Variants in RHOBTB3 observed in about 807,000 individuals in gnomAD.
The protein encoded by RHOBTB3 is Rho related BTB domain containing 3, also known as rho-related BTB domain-containing protein 3.
Under a neutral mutation model 67.2 loss-of-function variants are expected in RHOBTB3, and 47 were observed. The ratio of observed to expected loss-of-function variants is 0.70; its 90% CI spans 0.55 to 0.89. The LOEUF (loss-of-function observed/expected upper bound fraction) is 0.89, where lower values mean the gene tolerates loss of function less well. Among genes scored for constraint, RHOBTB3 ranks in the 40% least tolerant of loss-of-function variants. RHOBTB3 has a pLI of 0.00. For synonymous variants in RHOBTB3, 273 were observed against 274.2 expected (o/e 1.00, Z 0.04); for missense variants, 631 against 750.0 (o/e 0.84, Z 1.85).
intron 11 of RHOBTB3, chr5:95,789,093 C>T (rs1458257819): frequency 7.2e-5 from 28 of 388,734 alleles, no homozygotes; most frequent in Admixed American, 9.9e-5. Flanking sequence ...TAGCTCCATC[C>T]GTTTTTAAAT....
chr5:95,759,494 A>C (rs1210895274), intron 6 of RHOBTB3, among the ~76,000 whole-genome samples: 2 of 152,224 alleles, frequency 1.3e-5, no homozygotes, highest in East Asian at 1.9e-4. Context: ...TAAGAGAAAA[A>C]AATTTACCCA....
rs901187598 is a variant in RHOBTB3 at position 95,755,288 on chromosome 5, C to T, written c.683-108C>T. ...TATTGGCTGTTTCTTATGCTTTAAC[C>T]TAATAATATTTTAAAATATTATACA... On this transcript the variant is annotated intron_variant, in intron 5 of 11. Transcript: ENST00000379982. The T allele has an allele frequency of 4.8e-6, 4 of 827,598 alleles. No homozygotes were observed. The African/African-American group carries it at 7.1e-5, about 15-fold the overall frequency. The allele number at this position is 827,598 out of a possible 1,614,324, so 51.3% of individuals were successfully genotyped here. A position where few individuals can be genotyped will look rare whatever the true frequency, so the allele number is the denominator to read the frequency against.
upstream of RHOBTB3, chr5:95,731,263 G>A: frequency 9.9e-7 from 1 of 1,008,332 alleles, no homozygotes; most frequent in South Asian, 4.4e-5. Flanking sequence ...CGCCCGGTCC[G>A]CTGAGGGGGC....
chr5:95,776,530 C>T (rs971137330), intron 8 of RHOBTB3, among the ~76,000 whole-genome samples: 2 of 152,064 alleles, frequency 1.3e-5, no homozygotes, highest in Non-Finnish European at 2.9e-5. Context: ...AAGTCTTTGG[C>T]TTCTTTACTC....
At position 95,768,165 on chromosome 5, in the gene RHOBTB3, A is replaced by T; in HGVS notation, c.1281A>T (p.Gln427His). ...PMLADVVFEIQGTTVPAHRAI... is the reference protein window; with the variant it reads ...PMLADVVFEIHGTTVPAHRAI... The stretch of plus-strand genomic sequence containing the variant: ...TTGCCGATGTTGTCTTCGAAATTCA[A>T]GGTACGGATCAACTTTTACAAAGTT... The change falls in exon 8 of 12, where the codon CAA becomes CAT. Residue 427 changes from glutamine (Q) to histidine (H), a missense_variant and splice_region_variant. By Grantham distance (24) the Gln-to-His change is conservative. Coordinates refer to ENST00000379982, the MANE Select transcript of RHOBTB3 (RefSeq NM_014899.4). 2 of 1,608,974 alleles carry T rather than the reference A, an allele frequency of 1.2e-6. No homozygotes were observed. The highest frequency in any genetic ancestry group is 1.7e-6 in the Non-Finnish European group (2 of 1,178,362).
At position 95,786,704 on chromosome 5, in the gene RHOBTB3, G is replaced by A. The variant is rs116574508; in HGVS notation, c.1624-2058G>A. Among the ~76,000 whole-genome samples the A allele has an allele frequency of 3.5e-3, 534 of 152,274 alleles. 4 individuals are homozygous for A. Among genetic ancestry groups the A allele is most frequent in the African/African-American group, 0.011 (475 of 41,558 alleles). ...TCTGAGAGTTTCCAGGTACTTTCTT[G>A]TGAGTTTATGGGTATTTTCTCCACG... On this transcript the variant is annotated intron_variant, in intron 10 of 11. Transcript: ENST00000379982.
At position 95,794,463 on chromosome 5, in the gene RHOBTB3, T is replaced by G; in HGVS notation, c.*1289T>G. The G allele has an allele frequency of 6.2e-6, 1 of 160,534 alleles. No individual in the cohort carries two copies. Among genetic ancestry groups the G allele is most frequent in the Non-Finnish European group, 1.4e-5 (1 of 72,448 alleles). 9.9% of individuals were successfully genotyped at this position (160,534 alleles called of 1,614,324 possible). ...TAGCATGAATCTTGTGCTCTAATAT[T>G]ACACAGTAAGTTCAAAGAAAGGATG... On this transcript the variant is annotated 3_prime_UTR_variant, in exon 12 of 12. Coordinates refer to ENST00000379982, the MANE Select transcript of RHOBTB3 (RefSeq NM_014899.4).
intron 9 of RHOBTB3, 141 bp downstream of exon 9, chr5:95,780,566 G>C (rs887011359): frequency 2.7e-6 from 2 of 731,276 alleles, no homozygotes; most frequent in Non-Finnish European, 4.5e-6. Flanking sequence ...ATTAGAGGTG[G>C]TGCTGGAACA....
At chr5:95,731,168 C>G, upstream of RHOBTB3, 1 of 1,009,540 alleles carries the variant, frequency 9.9e-7, no homozygotes, top group Non-Finnish European at 1.2e-6. Context: ...TCCTTTGTGT[C>G]CAGCCGCCGC....
intron 2 of RHOBTB3, 100 bp downstream of exon 2, chr5:95,732,184 C>A: frequency 9.3e-7 from 1 of 1,071,640 alleles, no homozygotes; most frequent in Non-Finnish European, 1.4e-6. Flanking sequence ...GTGGAGTGTC[C>A]GCGTTACATG....
rs1746555664 is a variant in RHOBTB3, at chr5:95,796,228, C to T, written c.*3054C>T. On this transcript the variant is annotated 3_prime_UTR_variant, in exon 12 of 12. Transcript: ENST00000379982. Reference sequence around the variant, plus strand: ...AAAGAGTACTTTATTTTATTTAAAGCATCTGTTTAATTCAACCTTTAATAA... The same window carrying T: ...AAAGAGTACTTTATTTTATTTAAAGTATCTGTTTAATTCAACCTTTAATAA... 6.6e-6 allele frequency: 1 copy of T among 152,196 alleles called. No homozygotes were observed. Among genetic ancestry groups the T allele is most frequent in the Non-Finnish European group, 1.5e-5 (1 of 68,028 alleles). The allele number at this position is 152,196 out of a possible 1,614,324, so 9.4% of individuals were successfully genotyped here. A position where few individuals can be genotyped will look rare whatever the true frequency, so the allele number is the denominator to read the frequency against.
At chr5:95,752,989 G>A (rs745579000) in intron 5 of RHOBTB3, among the ~76,000 whole-genome samples, 18 of 152,064 alleles carry the variant, frequency 1.2e-4, no homozygotes, top group Admixed American at 2.6e-4. Context: ...AAAATTAGCC[G>A]GGTGAGGTGG....
chr5:95,752,860 G>A (rs1383315736), intron 5 of RHOBTB3, among the ~76,000 whole-genome samples: 6 of 152,078 alleles, frequency 3.9e-5, no homozygotes, highest in Non-Finnish European at 5.9e-5. Flanking sequence ...TCCCGGGCGC[G>A]GTGGCTCACA....
chr5:95,740,124 C>G (rs1466397517), intron 3 of RHOBTB3, among the ~76,000 whole-genome samples: 1 of 152,200 alleles, frequency 6.6e-6, no homozygotes, highest in Non-Finnish European at 1.5e-5. Context: ...TGGTCATGCT[C>G]TCTTGCCTGC....
At chr5:95,770,879 T>G (rs1373880289) in intron 8 of RHOBTB3, among the ~76,000 whole-genome samples, 1 of 152,094 alleles carries the variant, frequency 6.6e-6, no homozygotes, top group East Asian at 1.9e-4. Context: ...TGACAATAAA[T>G]AGCAGTTTAC....
In RHOBTB3 at chr5:95,731,602, G is replaced by A; in HGVS notation, c.-81G>A. On this transcript the variant is annotated 5_prime_UTR_variant, in exon 1 of 12. Transcript: ENST00000379982. Reference sequence around the variant, plus strand: ...GGCCGGGGATGAGCGGATTGCGGGTGAACTCGCCGCCCGGGGGCCCCGCGA... The same window carrying A: ...GGCCGGGGATGAGCGGATTGCGGGTAAACTCGCCGCCCGGGGGCCCCGCGA... 1 of 1,592,264 alleles carries A rather than the reference G, an allele frequency of 6.3e-7. No individual in the cohort carries two copies. Among genetic ancestry groups the A allele is most frequent in the South Asian group, 1.1e-5 (1 of 88,370 alleles).
intron 1 of RHOBTB3, among the ~76,000 whole-genome samples, chr5:95,722,765 G>A (rs1222839792): frequency 6.6e-6 from 1 of 152,214 alleles, no homozygotes; most frequent in African/African-American, 2.4e-5. Context: ...TTATAGGCGT[G>A]AGCCACTGCG....
chr5:95,736,439 AT>A (rs914789761), intron 2 of RHOBTB3, among the ~76,000 whole-genome samples: 13 of 152,188 alleles, frequency 8.5e-5, no homozygotes, highest in African/African-American at 3.1e-4. Flanking sequence ...ACTTCACAGA[AT>A]TTAAAATGTA....
intron 2 of RHOBTB3, among the ~76,000 whole-genome samples, chr5:95,733,918 C>T (rs542475003): frequency 1.5e-3 from 223 of 152,224 alleles, no homozygotes; most frequent in African/African-American, 5.2e-3. Flanking sequence ...TTTCAGATTC[C>T]CACATTGCCA....
Sources: gnomAD v4.1 joint callset for allele counts (sites outside exome capture counted in the v4.1 genomes callset) on GRCh38, gnomAD v4.1.1 for gene constraint, MANE v1.5 for transcripts, NCBI Gene and HGNC (gene_info 2026-07-23, HGNC 2026-07-21) for gene names.